AFAP1: variants seen among roughly 807,000 people sequenced by gnomAD.
AFAP1 encodes actin filament associated protein 1.
AFAP1 carries 75 observed loss-of-function variants against 93.9 expected under a neutral mutation model. The observed-to-expected ratio is 0.80, with a 90% CI of 0.66 to 0.97. AFAP1 has a LOEUF of 0.97. Ranked by LOEUF, AFAP1 falls within the 50% of genes least tolerant of loss-of-function variation. The pLI, the probability that AFAP1 is intolerant of heterozygous loss-of-function variation, is 0.00. For synonymous variants in AFAP1, 517 were observed against 430.7 expected, an observed-to-expected ratio of 1.20 and a Z score of -2.48; for missense variants, 1,201 against 1,050.8, an observed-to-expected ratio of 1.14 and a Z score of -1.98.
chr4:7,907,087 A>T (rs1367282944), intron 1 of AFAP1, among the ~76,000 whole-genome samples: 1 of 152,234 alleles, frequency 6.6e-6, no homozygotes, highest in Admixed American at 6.5e-5. Flanking sequence ...TACAACGTTG[A>T]AATCCTGAAA....
intron 14 of AFAP1, chr4:7,778,333 C>A: frequency 3.8e-6 from 1 of 264,854 alleles, no homozygotes; most frequent in South Asian, 4.1e-5. Context: ...TGTATTACCT[C>A]AGCTATTCCA....
intron 4 of AFAP1, among the ~76,000 whole-genome samples, chr4:7,847,795 G>GT (rs72006830): frequency 0.18 from 14,175 of 80,418 alleles, 1,068 homozygotes; most frequent in South Asian, 0.28. Context: ...GGGGTACTCG[G>GT]GGTGGGGCAT....
intron 5 of AFAP1, among the ~76,000 whole-genome samples, chr4:7,841,868 G>C (rs996803348): frequency 7.3e-5 from 11 of 151,300 alleles, no homozygotes; most frequent in Middle Eastern, 3.2e-3. Flanking sequence ...AGCAGGGGAG[G>C]GGGGAAGAAG....
At chr4:7,781,335 TTGA>T (rs1716745987) in intron 13 of AFAP1, 38 bp downstream of exon 13, 5 of 1,544,530 alleles carry the variant, frequency 3.2e-6, no homozygotes, top group Non-Finnish European at 3.5e-6. Flanking sequence ...GCAATGTGAC[TTGA>T]AGGTGGTTCT....
intron 16 of AFAP1, among the ~76,000 whole-genome samples, chr4:7,770,559 G>C (rs1297594241): frequency 6.6e-6 from 1 of 152,202 alleles, no homozygotes; most frequent in African/African-American, 2.4e-5. Context: ...AGTCACCAGG[G>C]GGAGCAGGAG....
chr4:7,861,981 G>T (rs1264447406), intron 3 of AFAP1: 1 of 152,232 alleles, frequency 6.6e-6, no homozygotes, highest in East Asian at 1.9e-4. Flanking sequence ...TACTGTGAAG[G>T]TACCTGAGAA....
chr4:7,865,086 A>T (rs894941906), intron 3 of AFAP1, among the ~76,000 whole-genome samples: 12 of 152,266 alleles, frequency 7.9e-5, no homozygotes, highest in African/African-American at 2.9e-4. Context: ...TTCTAAACTC[A>T]GATTGTGTTA....
intron 1 of AFAP1, among the ~76,000 whole-genome samples, chr4:7,891,462 T>C (rs538532832): frequency 1.2e-4 from 18 of 152,214 alleles, no homozygotes; most frequent in Admixed American, 1.1e-3. Context: ...CTGATAATAC[T>C]AGATCTAGGT....
intron 6 of AFAP1, among the ~76,000 whole-genome samples, chr4:7,820,394 G>C (rs1720862331): frequency 6.6e-6 from 1 of 152,186 alleles, no homozygotes; most frequent in South Asian, 2.1e-4. Flanking sequence ...TCACAGCCTT[G>C]GTCTGGATGA....
At chr4:7,870,380 C>A (rs1716914569) in intron 2 of AFAP1, among the ~76,000 whole-genome samples, 1 of 152,188 alleles carries the variant, frequency 6.6e-6, no homozygotes, top group Non-Finnish European at 1.5e-5. Context: ...ACATTTCAGG[C>A]CAGGCGCAAT....
chr4:7,783,589 A>G (rs1004791294), intron 12 of AFAP1, among the ~76,000 whole-genome samples: 2 of 152,268 alleles, frequency 1.3e-5, no homozygotes, highest in Middle Eastern at 3.2e-3. Flanking sequence ...GTAGCCCAGC[A>G]ATACACACAC....
chr4:7,870,720 T>C (rs148120443), intron 2 of AFAP1, among the ~76,000 whole-genome samples: 185 of 152,236 alleles, frequency 1.2e-3, no homozygotes, highest in African/African-American at 4.3e-3. Flanking sequence ...TGCTTTCTTA[T>C]CTAAGTGGCA....
intron 11 of AFAP1, among the ~76,000 whole-genome samples, chr4:7,790,925 T>C (rs1717808897): frequency 6.6e-6 from 1 of 152,224 alleles, no homozygotes; most frequent in African/African-American, 2.4e-5. Flanking sequence ...TCAAGGCTAT[T>C]GACCTTAGCT....
At chr4:7,846,758 G>C (rs956231740) in intron 4 of AFAP1, among the ~76,000 whole-genome samples, 2 of 152,158 alleles carry the variant, frequency 1.3e-5, no homozygotes, top group Non-Finnish European at 2.9e-5. Flanking sequence ...AATTTACAAA[G>C]GTTTCTCACA....
At chr4:7,933,754 A>G (rs1721229659) in intron 1 of AFAP1, among the ~76,000 whole-genome samples, 1 of 152,184 alleles carries the variant, frequency 6.6e-6, no homozygotes, top group South Asian at 2.1e-4. Context: ...ATGGCCAGCA[A>G]GGGGACACCT....
At chr4:7,799,636 T>C (rs369256290) in intron 10 of AFAP1, among the ~76,000 whole-genome samples, 1 of 152,144 alleles carries the variant, frequency 6.6e-6, no homozygotes, top group African/African-American at 2.4e-5. Flanking sequence ...TCTGTCTGTG[T>C]GTGTATGTTT....
At chr4:7,806,056 G>A (rs4274845) in intron 9 of AFAP1, among the ~76,000 whole-genome samples, 93,748 of 152,088 alleles carry the variant, frequency 0.62, 31,073 homozygotes, top group African/African-American at 0.85. Context: ...TAATTCATAC[G>A]GTGACAATAA....
At chr4:7,899,634 C>G (rs1462460837) in intron 1 of AFAP1, among the ~76,000 whole-genome samples, 1 of 152,148 alleles carries the variant, frequency 6.6e-6, no homozygotes, top group Non-Finnish European at 1.5e-5. Flanking sequence ...CTTCCATCCC[C>G]AGGGCTAGAT....
At chr4:7,825,346 T>TA (rs1430077162) in intron 6 of AFAP1, among the ~76,000 whole-genome samples, 5 of 152,058 alleles carry the variant, frequency 3.3e-5, no homozygotes, top group East Asian at 1.9e-4. Flanking sequence ...CTTTAGTTTT[T>TA]AAAAAAAATC....
Sources: allele counts gnomAD v4.1 joint callset (sites outside exome capture counted in the v4.1 genomes callset), GRCh38; gene constraint gnomAD v4.1.1; transcripts MANE v1.5; gene names NCBI Gene and HGNC (gene_info 2026-07-23, HGNC 2026-07-21).